FBXL7: variants seen among roughly 807,000 people sequenced by gnomAD.
FBXL7 encodes the protein F-box/LRR-repeat protein 7.
FBXL7 carries 12 observed loss-of-function variants against 38.3 expected under a neutral mutation model. The ratio of observed to expected loss-of-function variants is 0.31; its 90% CI spans 0.20 to 0.51. FBXL7 has a LOEUF of 0.51. Ranked by LOEUF, FBXL7 falls within the 20% of genes least tolerant of loss-of-function variation. The probability of loss-of-function intolerance (pLI) is 0.98; values close to 1 mark genes in which losing one functional copy is unlikely to be tolerated. For missense variants in FBXL7, 567 were observed against 676.4 expected (o/e 0.84, Z 1.79); for synonymous variants, 297 against 300.9 (o/e 0.99, Z 0.13).
chr5:15,895,554 C>G (rs1178683607), intron 2 of FBXL7, among the ~76,000 whole-genome samples: 1 of 150,958 alleles, frequency 6.6e-6, no homozygotes, highest in Non-Finnish European at 1.5e-5. Context: ...AACATTACAA[C>G]GTGAACATCT....
rs1185721504 is a variant in FBXL7, at chr5:15,687,016, C to T, written c.127+70944C>T. Among the ~76,000 whole-genome samples, 3 of 152,202 alleles carry T rather than the reference C, an allele frequency of 2.0e-5. No homozygotes were observed. The East Asian group carries it at 5.8e-4, about 29-fold the overall frequency. ...TGTAGTGTTTCAAGCAAACCCATCC[C>T]CATATCCTGAACTCAAGGGCTGGCA... is the stretch of plus-strand genomic sequence containing the variant. On this transcript the variant is annotated intron_variant, in intron 2 of 3. Transcript: ENST00000504595.
At chr5:15,700,011 T>C (rs1020866992) in intron 2 of FBXL7, among the ~76,000 whole-genome samples, 4 of 152,258 alleles carry the variant, frequency 2.6e-5, no homozygotes, top group Non-Finnish European at 5.9e-5. Flanking sequence ...TTATGCTTGC[T>C]TAACTCATAG....
chr5:15,871,679 G>T (rs1739971292), intron 2 of FBXL7, among the ~76,000 whole-genome samples: 1 of 152,086 alleles, frequency 6.6e-6, no homozygotes, highest in African/African-American at 2.4e-5. Context: ...TAGCTGAATT[G>T]ATCAAGTGGA....
intron 3 of FBXL7, chr5:15,935,199 C>A: frequency 3.7e-6 from 2 of 534,750 alleles, no homozygotes; most frequent in Non-Finnish European, 7.7e-6. Context: ...TCCTTGGGAG[C>A]CCTGTTAGAC....
At chr5:15,630,226 T>C (rs1740953779) in intron 2 of FBXL7, among the ~76,000 whole-genome samples, 2 of 150,772 alleles carry the variant, frequency 1.3e-5, no homozygotes, top group South Asian at 2.1e-4. Flanking sequence ...ATTCTAAGGC[T>C]ATTCAGCCCT....
intron 3 of FBXL7, among the ~76,000 whole-genome samples, chr5:15,932,396 T>A (rs1458659189): frequency 6.6e-6 from 1 of 152,192 alleles, no homozygotes; most frequent in Non-Finnish European, 1.5e-5. Context: ...GAGATAGAGA[T>A]ATCACCCTAA....
At chr5:15,646,904 C>T (rs1402183193) in intron 2 of FBXL7, among the ~76,000 whole-genome samples, 2 of 152,116 alleles carry the variant, frequency 1.3e-5, no homozygotes, top group African/African-American at 4.8e-5. Context: ...GTTCAGATCA[C>T]TTTTTGAAGA....
At chr5:15,553,980 CA>C (rs1464699849) in intron 1 of FBXL7, among the ~76,000 whole-genome samples, 2 of 152,180 alleles carry the variant, frequency 1.3e-5, no homozygotes, top group African/African-American at 4.8e-5. Context: ...CAATTACTTT[CA>C]AAGGAGCCAC....
At chr5:15,606,902 G>C (rs1740044180) in intron 1 of FBXL7, 1 of 152,086 alleles carries the variant, frequency 6.6e-6, no homozygotes, top group South Asian at 2.1e-4. Flanking sequence ...TGGCTTGAAA[G>C]AGCTAATACA....
At position 15,881,461 on chromosome 5, in the gene FBXL7, A is replaced by G. The variant is rs542606193; in HGVS notation, c.128-46429A>G. Among the ~76,000 whole-genome samples, 13 of 152,240 alleles carry G rather than the reference A, an allele frequency of 8.5e-5. No homozygotes were observed. In the South Asian group the frequency reaches 2.7e-3, roughly 32 times the overall value. ...TTTGGGCTGGTTCCATATTTTTGCAATTGCAGATTATGCTGCTATAAATAT... is the reference window on the plus strand; with the variant it reads ...TTTGGGCTGGTTCCATATTTTTGCAGTTGCAGATTATGCTGCTATAAATAT... On this transcript the variant is annotated intron_variant, in intron 2 of 3. Coordinates refer to ENST00000504595, the MANE Select transcript of FBXL7 (RefSeq NM_012304.5).
In FBXL7 at chr5:15,584,536, C is replaced by T. The variant is rs193109969; in HGVS notation, c.38-31447C>T. On this transcript the variant is annotated intron_variant, in intron 1 of 3. Transcript: ENST00000504595. ...AAACTCTCATCTTCATCTGAGACCA[C>T]CTCAGCCTGGACTTCATTGTCTACA... 2.5e-3 allele frequency among the ~76,000 whole-genome samples: 376 copies of T among 152,284 alleles called. 3 individuals carry two copies. Among genetic ancestry groups the T allele is most frequent in the African/African-American group, 8.7e-3 (362 of 41,564 alleles).
chr5:15,752,940 T>G (rs538917768), intron 2 of FBXL7, among the ~76,000 whole-genome samples: 16 of 152,332 alleles, frequency 1.1e-4, no homozygotes, highest in Admixed American at 7.8e-4. Flanking sequence ...GGATTTGTCC[T>G]TAGTTTAATC....
chr5:15,500,188 G>A lies in FBXL7; in HGVS notation c.-489G>A, dbSNP rs2126336425. ...GCCCGCGGGCGAGCTGCGCCGGGTCGCTAGTCTTCACTCGCTCCGGGGACC... is the reference window on the plus strand; with the variant it reads ...GCCCGCGGGCGAGCTGCGCCGGGTCACTAGTCTTCACTCGCTCCGGGGACC... On this transcript the variant is annotated 5_prime_UTR_variant, in exon 1 of 4. Transcript: ENST00000504595. 1 of 152,160 alleles carries A rather than the reference G, an allele frequency of 6.6e-6. No individual in the cohort carries two copies. The highest frequency in any genetic ancestry group is 2.1e-4 in the South Asian group (1 of 4,830). The allele number at this position is 152,160 out of a possible 1,614,324, so 9.4% of individuals were successfully genotyped here. A position where few individuals can be genotyped will look rare whatever the true frequency, so the allele number is the denominator to read the frequency against.
chr5:15,760,941 A>C (rs1376581325), intron 2 of FBXL7, among the ~76,000 whole-genome samples: 1 of 144,968 alleles, frequency 6.9e-6, no homozygotes, highest in African/African-American at 2.5e-5. Flanking sequence ...ATGAGACAGA[A>C]AAAAAAAAAG....
At chr5:15,857,065 TC>T (rs1356793007) in intron 2 of FBXL7, among the ~76,000 whole-genome samples, 3 of 152,144 alleles carry the variant, frequency 2.0e-5, no homozygotes, top group Non-Finnish European at 4.4e-5. Flanking sequence ...TTCCATAACA[TC>T]TTACCAATTT....
chr5:15,551,073 C>T (rs993646858), intron 1 of FBXL7, among the ~76,000 whole-genome samples: 9 of 152,200 alleles, frequency 5.9e-5, no homozygotes, highest in Non-Finnish European at 1.3e-4. Context: ...CAAAAAACCT[C>T]CTATTAGGAA....
chr5:15,606,436 C>T (rs1006151280), intron 1 of FBXL7, among the ~76,000 whole-genome samples: 18 of 152,270 alleles, frequency 1.2e-4, no homozygotes, highest in East Asian at 3.9e-4. Context: ...TGGCTTATAG[C>T]GATTTTAAAG....
At chr5:15,752,657 C>T (rs1736184472) in intron 2 of FBXL7, among the ~76,000 whole-genome samples, 3 of 152,164 alleles carry the variant, frequency 2.0e-5, no homozygotes, top group Admixed American at 6.5e-5. Flanking sequence ...TCTTGATATG[C>T]AATAAAGGAC....
chr5:15,826,029 T>C (rs1361196298), intron 2 of FBXL7, among the ~76,000 whole-genome samples: 2 of 152,126 alleles, frequency 1.3e-5, no homozygotes, highest in African/African-American at 2.4e-5. Flanking sequence ...AATTATGAGA[T>C]GGGAGTTGGA....
Sources: allele counts gnomAD v4.1 joint callset (sites outside exome capture counted in the v4.1 genomes callset), GRCh38; gene constraint gnomAD v4.1.1; transcripts MANE v1.5; gene names NCBI Gene and HGNC (gene_info 2026-07-23, HGNC 2026-07-21).